The following ANKRD28 variants were observed in gnomAD, a reference collection of about 807,000 sequenced individuals.
ANKRD28 encodes serine/threonine-protein phosphatase 6 regulatory ankyrin repeat subunit A.
A neutral mutation model predicts 126.5 loss-of-function variants in ANKRD28; 44 were observed. The observed-to-expected ratio is 0.35, with a 90% CI of 0.27 to 0.45. ANKRD28 has a LOEUF of 0.45. Ranked by LOEUF, ANKRD28 falls within the 20% of genes least tolerant of loss-of-function variation. The pLI is 1.00. For synonymous variants in ANKRD28, 442 were observed against 468.5 expected (o/e 0.94, Z 0.73); for missense variants, 1,110 against 1,316.6 (o/e 0.84, Z 2.43).
intron 26 of ANKRD28, chr3:15,676,757 G>C: frequency 2.5e-6 from 1 of 399,982 alleles, no homozygotes; most frequent in Non-Finnish European, 4.5e-6. Flanking sequence ...ATACATTATT[G>C]TCAATGTTAT....
At chr3:15,741,316 A>C (rs2075454494) in intron 4 of ANKRD28, among the ~76,000 whole-genome samples, 1 of 152,202 alleles carries the variant, frequency 6.6e-6, no homozygotes, top group African/African-American at 2.4e-5. Flanking sequence ...AGAAGAGGTG[A>C]ATTTCTAGAA....
At chr3:15,803,229 A>G (rs902896154) in intron 1 of ANKRD28, among the ~76,000 whole-genome samples, 1 of 152,242 alleles carries the variant, frequency 6.6e-6, no homozygotes, top group Non-Finnish European at 1.5e-5. Flanking sequence ...GGGGTAGAAG[A>G]ATGGAAGTCA....
chr3:15,724,854 A>G (rs1274627706), intron 6 of ANKRD28, among the ~76,000 whole-genome samples: 1 of 152,116 alleles, frequency 6.6e-6, no homozygotes, highest in African/African-American at 2.4e-5. Context: ...GGTGGCATGC[A>G]CCTGTAGTCT....
intron 1 of ANKRD28, among the ~76,000 whole-genome samples, chr3:15,823,873 T>C (rs1179279087): frequency 1.3e-5 from 2 of 152,182 alleles, no homozygotes; most frequent in African/African-American, 2.4e-5. Context: ...GTTTTCATGA[T>C]AAAAAACACT....
At chr3:15,692,696 T>C (rs2068968539) in intron 17 of ANKRD28, among the ~76,000 whole-genome samples, 1 of 152,196 alleles carries the variant, frequency 6.6e-6, no homozygotes, top group Non-Finnish European at 1.5e-5. Context: ...TAAAGTAACT[T>C]CTGAAAACCT....
At chr3:15,781,877 G>A (rs1291782572) in intron 2 of ANKRD28, among the ~76,000 whole-genome samples, 6 of 152,094 alleles carry the variant, frequency 3.9e-5, no homozygotes, top group Non-Finnish European at 8.8e-5. Flanking sequence ...GTAGTACATG[G>A]AGAGACTCCC....
At chr3:15,737,354 C>G in intron 4 of ANKRD28, 121 bp from the exon 5 acceptor site, 3 of 823,648 alleles carry the variant, frequency 3.6e-6, no homozygotes, top group Non-Finnish European at 5.5e-6. Context: ...TAAAAAAGCT[C>G]TCATAGAACT....
chr3:15,736,955 G>C, intron 5 of ANKRD28, 78 bp downstream of exon 5: 1 of 1,438,634 alleles, frequency 7.0e-7, no homozygotes, highest in South Asian at 1.2e-5. Flanking sequence ...CCTTTACTAT[G>C]CAAAAATGCA....
chr3:15,818,118 AAC>A (rs1178354982), intron 1 of ANKRD28, among the ~76,000 whole-genome samples: 1 of 152,136 alleles, frequency 6.6e-6, no homozygotes, highest in African/African-American at 2.4e-5. Flanking sequence ...ACGTAAAGAA[AAC>A]AGATACAGGA....
chr3:15,710,659 AAGAAGCATGTTCC>A (rs1307562640), intron 12 of ANKRD28, among the ~76,000 whole-genome samples: 2 of 152,234 alleles, frequency 1.3e-5, no homozygotes, highest in Non-Finnish European at 2.9e-5. Context: ...AGCATTAGAT[AAGAAGCATGTTCC>A]AGAGGCCATG....
At chr3:15,738,360 G>T (rs558992702) in intron 4 of ANKRD28, among the ~76,000 whole-genome samples, 120 of 152,274 alleles carry the variant, frequency 7.9e-4, no homozygotes, top group African/African-American at 2.8e-3. Flanking sequence ...TGTACGAATA[G>T]GGTATGAGTC....
intron 2 of ANKRD28, among the ~76,000 whole-genome samples, chr3:15,769,151 A>C (rs930356507): frequency 6.6e-6 from 1 of 152,214 alleles, no homozygotes; most frequent in African/African-American, 2.4e-5. Flanking sequence ...AACAACACAG[A>C]AAGTGAGTCA....
chr3:15,859,055 C>A (rs1022588125), intron 1 of ANKRD28, among the ~76,000 whole-genome samples: 1 of 152,158 alleles, frequency 6.6e-6, no homozygotes, highest in East Asian at 1.9e-4. Context: ...ACCTGTTAGG[C>A]CCGAGCCTCA....
At chr3:15,673,863 T>C (rs1251314378) in intron 27 of ANKRD28, among the ~76,000 whole-genome samples, 1 of 151,432 alleles carries the variant, frequency 6.6e-6, no homozygotes, top group Non-Finnish European at 1.5e-5. Context: ...GGTAACAAGG[T>C]GGAGGACACA....
chr3:15,803,666 G>GCCAAAACTAAGGAACAAAGGGAGAAAAAC (rs1553640584), intron 1 of ANKRD28, among the ~76,000 whole-genome samples: 1 of 147,208 alleles, frequency 6.8e-6, no homozygotes, highest in East Asian at 2.6e-4. Flanking sequence ...TATAGGACAT[G>GCCAAAACTAAGGAACAAAGGGAGAAAAAC]TTAATAGACT....
intron 8 of ANKRD28, among the ~76,000 whole-genome samples, chr3:15,715,862 T>G (rs2072943618): frequency 6.6e-6 from 1 of 152,142 alleles, no homozygotes; most frequent in African/African-American, 2.4e-5. Flanking sequence ...TACCAGTTGT[T>G]ATTTGTTCAA....
In ANKRD28 at chr3:15,830,662, G is replaced by C. The variant is rs2125933701; in HGVS notation, c.27+28715C>G. On this transcript the variant is annotated intron_variant, in intron 1 of 27. Coordinates refer to the ANKRD28 transcript ENST00000399451. This position sits in a 1 kb window ranked among gnomAD's most constrained non-coding sequence, Gnocchi z 4.5. ...AACACTGGGGACTGCTGCAGTAATGGATTAATTTTGGCCAAAGAAAGGTTT... is the reference window on the plus strand; with the variant it reads ...AACACTGGGGACTGCTGCAGTAATGCATTAATTTTGGCCAAAGAAAGGTTT... Among the ~76,000 whole-genome samples the C allele has an allele frequency of 6.6e-6, 1 of 152,120 alleles. No individual in the cohort carries two copies. The highest frequency in any genetic ancestry group is 1.5e-5 in the Non-Finnish European group (1 of 67,984).
intron 1 of ANKRD28, among the ~76,000 whole-genome samples, chr3:15,829,162 C>T (rs1052392273): frequency 3.0e-4 from 46 of 152,212 alleles, no homozygotes; most frequent in Admixed American, 5.2e-4. Flanking sequence ...TACCGAATTG[C>T]TTAAAAGTAT....
chr3:15,769,576 T>C (rs141489248), intron 2 of ANKRD28, among the ~76,000 whole-genome samples: 469 of 152,278 alleles, frequency 3.1e-3, no homozygotes, highest in Middle Eastern at 0.02. Flanking sequence ...ACACAAAAAA[T>C]TCTTAATCTT....
Sources: gnomAD v4.1 joint callset for allele counts (sites outside exome capture counted in the v4.1 genomes callset) on GRCh38, gnomAD v4.1.1 for gene constraint, Gnocchi (gnomAD v3.1) non-coding constraint, MANE v1.5 for transcripts, NCBI Gene and HGNC (gene_info 2026-07-23, HGNC 2026-07-21) for gene names.